HIVEP1: variants seen among roughly 807,000 people sequenced by gnomAD.
HIVEP1 encodes HIVEP zinc finger 1, also known as zinc finger protein 40.
A neutral mutation model predicts 180.0 loss-of-function variants in HIVEP1; 36 were observed. That is an observed-to-expected ratio of 0.20 (90% CI 0.15 to 0.26). HIVEP1 has a LOEUF of 0.26. Among genes scored for constraint, HIVEP1 ranks in the 10% least tolerant of loss-of-function variants. The pLI, the probability that HIVEP1 is intolerant of heterozygous loss-of-function variation, is 1.00. For synonymous variants in HIVEP1, 1,239 were observed against 1,239.0 expected, an observed-to-expected ratio of 1.00 and a Z score of 0.00; for missense variants, 3,143 against 3,268.7, an observed-to-expected ratio of 0.96 and a Z score of 0.94.
chr6:12,131,214 G>T (rs1372560952), intron 6 of HIVEP1, among the ~76,000 whole-genome samples: 1 of 151,734 alleles, frequency 6.6e-6, no homozygotes, highest in Non-Finnish European at 1.5e-5. Context: ...TCCTTAAATT[G>T]CAGTTGTACA....
chr6:12,022,706 A>G (rs937834147), intron 2 of HIVEP1, among the ~76,000 whole-genome samples: 2 of 152,214 alleles, frequency 1.3e-5, no homozygotes, highest in Non-Finnish European at 2.9e-5. Flanking sequence ...GGTTTATGTC[A>G]GACTCCTTGG....
rs199795020 is a variant in HIVEP1, at chr6:12,164,117, A to G, written c.7813A>G (p.Thr2605Ala). Residue 2605 changes from threonine to alanine, a missense_variant, in exon 9 of 9, where the codon ACA becomes GCA. Coordinates refer to ENST00000379388, the MANE Select transcript of HIVEP1 (RefSeq NM_002114.4). The stretch of plus-strand genomic sequence containing the variant: ...GACCGAGTCTCCTCAGGGGTTACCT[A>G]CAGTCCAGCGGGAAAATGCAAAAAA... ...SRTESPQGLPTVQRENAKKVL... is the reference protein window; with the variant it reads ...SRTESPQGLPAVQRENAKKVL... The G allele has an allele frequency of 1.7e-5, 27 of 1,614,174 alleles. No individual in the cohort carries two copies. The highest frequency in any genetic ancestry group is 1.5e-4 in the Admixed American group (9 of 60,022).
At chr6:12,202,231 T>G in the HIVEP1 span, among the ~76,000 whole-genome samples, 1 of 152,112 alleles carries the variant, frequency 6.6e-6, no homozygotes, top group Non-Finnish European at 1.5e-5. Context: ...CACGGCTCAC[T>G]GCAGCCTTGA....
intron 2 of HIVEP1, chr6:12,037,699 T>C: frequency 2.5e-6 from 1 of 403,448 alleles, no homozygotes; most frequent in South Asian, 1.1e-4. Flanking sequence ...ATAATTCTGT[T>C]TATTGTTTTT....
At chr6:12,209,647 T>C in the HIVEP1 span, among the ~76,000 whole-genome samples, 1 of 152,188 alleles carries the variant, frequency 6.6e-6, no homozygotes, top group Non-Finnish European at 1.5e-5. Context: ...AAAATATTAA[T>C]AATAATCATC....
rs770739890 is a variant in HIVEP1, at chr6:12,120,051, G to A, written c.256G>A (p.Val86Ile). ...KQNTEESSFA[V>I]LHSASESHKK... ...AAATACAGAAGAGTCATCTTTCGCC[G>A]TTCTTCATAGTGCTTCGGAGTCTCA... is the stretch of plus-strand genomic sequence containing the variant. The change falls in exon 4 of 9, where the codon GTT (valine) becomes ATT (isoleucine). Residue 86 changes from valine to isoleucine, a missense_variant. This residue lies in a region of HIVEP1 where 114 missense variants were observed against 134.5 expected (regional missense o/e 0.85). Transcript: ENST00000379388. The A allele has an allele frequency of 9.1e-5, 146 of 1,612,838 alleles. 1 individual carries two copies. The Admixed American group carries it at 1.0e-3, about 11-fold the overall frequency.
chr6:12,175,507 G>A, the HIVEP1 span, among the ~76,000 whole-genome samples: 3 of 152,288 alleles, frequency 2.0e-5, no homozygotes, highest in South Asian at 6.2e-4. Flanking sequence ...CTTTCCAATA[G>A]AACAGATACT....
At chr6:12,008,543 C>T (rs1182576089), upstream of HIVEP1, 1 of 152,260 alleles carries the variant, frequency 6.6e-6, no homozygotes, top group Non-Finnish European at 1.5e-5. Flanking sequence ...GTTCCTCTCT[C>T]ACTGCGGGGC....
At chr6:12,018,560 A>G (rs746546264) in intron 2 of HIVEP1, among the ~76,000 whole-genome samples, 11 of 152,268 alleles carry the variant, frequency 7.2e-5, no homozygotes, top group Admixed American at 1.3e-4. Flanking sequence ...TACTATGGTG[A>G]GAAATGAATA....
chr6:12,197,090 G>A, the HIVEP1 span, among the ~76,000 whole-genome samples: 1 of 152,192 alleles, frequency 6.6e-6, no homozygotes, highest in East Asian at 1.9e-4. Context: ...CTCAAAGAAA[G>A]AGTCTCTAAA....
At chr6:12,082,693 C>A (rs561167958) in intron 2 of HIVEP1, among the ~76,000 whole-genome samples, 238 of 152,252 alleles carry the variant, frequency 1.6e-3, no homozygotes, top group African/African-American at 5.5e-3. Context: ...ACCCTAATGC[C>A]CCTCTACCTG....
chr6:12,193,024 G>A, the HIVEP1 span, among the ~76,000 whole-genome samples: 1 of 151,994 alleles, frequency 6.6e-6, no homozygotes, highest in South Asian at 2.1e-4. Flanking sequence ...TGCAAAATAG[G>A]GATAATAATA....
intron 2 of HIVEP1, among the ~76,000 whole-genome samples, chr6:12,031,200 C>T (rs1768915480): frequency 6.6e-6 from 1 of 152,200 alleles, no homozygotes; most frequent in Non-Finnish European, 1.5e-5. Flanking sequence ...TTTCAAATCA[C>T]AGGCAGTTCT....
intron 2 of HIVEP1, among the ~76,000 whole-genome samples, chr6:12,070,070 C>T (rs1265365677): frequency 6.6e-6 from 1 of 152,154 alleles, no homozygotes; most frequent in African/African-American, 2.4e-5. Flanking sequence ...GGCAGTGACA[C>T]ATATGGAGCT....
At chr6:12,148,873 C>A (rs766053558) in intron 7 of HIVEP1, among the ~76,000 whole-genome samples, 12 of 152,148 alleles carry the variant, frequency 7.9e-5, no homozygotes, top group Non-Finnish European at 1.8e-4. Flanking sequence ...CCAGGAAACT[C>A]TTTTATTTCC....
chr6:12,017,177 T>C (rs1470790787), intron 2 of HIVEP1, among the ~76,000 whole-genome samples: 1 of 152,246 alleles, frequency 6.6e-6, no homozygotes, highest in African/African-American at 2.4e-5. Context: ...ATAGGCTCTT[T>C]TCCTTTCTGT....
In HIVEP1 at chr6:12,089,174, T is replaced by A; in HGVS notation, c.41-10T>A. ...AAATTAATTTATAAATTTTTCTCTG[T>A]TTTTCTTAGACAAAATTGAAGAAGC... On this transcript the variant is annotated splice_polypyrimidine_tract_variant and intron_variant, in intron 2 of 8. Coordinates refer to ENST00000379388, the MANE Select transcript of HIVEP1 (RefSeq NM_002114.4). 1 of 1,481,524 alleles carries A rather than the reference T, an allele frequency of 6.7e-7. No individual in the cohort carries two copies. The allele number at this position is 1,481,524 out of a possible 1,614,324, so 91.8% of individuals were successfully genotyped here.
At chr6:12,108,905 C>T (rs950291602) in intron 3 of HIVEP1, among the ~76,000 whole-genome samples, 15 of 152,226 alleles carry the variant, frequency 9.9e-5, no homozygotes, top group South Asian at 2.1e-4. Flanking sequence ...GAGGAGGCGC[C>T]GAGAGGGAGC....
intron 2 of HIVEP1, among the ~76,000 whole-genome samples, chr6:12,042,827 T>C (rs1364468984): frequency 6.6e-6 from 1 of 152,206 alleles, no homozygotes; most frequent in Middle Eastern, 3.2e-3. Context: ...TAGTACTTTT[T>C]CTTTCAGTGA....
Sources: gnomAD v4.1 joint callset for allele counts (sites outside exome capture counted in the v4.1 genomes callset) on GRCh38, gnomAD v4.1.1 for gene constraint, gnomAD v4.1.1 regional missense constraint, MANE v1.5 for transcripts, NCBI Gene and HGNC (gene_info 2026-07-23, HGNC 2026-07-21) for gene names.